The following DGKB variants were observed in gnomAD, a reference collection of about 807,000 sequenced individuals.
DGKB encodes the protein diacylglycerol kinase beta.
A neutral mutation model predicts 114.3 loss-of-function variants in DGKB; 67 were observed. That is an observed-to-expected ratio of 0.59 (90% CI 0.48 to 0.72). The LOEUF (loss-of-function observed/expected upper bound fraction) is 0.72. DGKB is among the 30% of genes least tolerant of loss of function. The probability of loss-of-function intolerance (pLI) is 0.00; values close to 1 mark genes in which losing one functional copy is unlikely to be tolerated. For missense variants in DGKB, 907 were observed against 975.2 expected (o/e 0.93, Z 0.93); for synonymous variants, 398 against 323.1 (o/e 1.23, Z -2.49).
intron 23 of DGKB, chr7:14,192,029 T>G: frequency 2.1e-6 from 1 of 485,464 alleles, no homozygotes; most frequent in African/African-American, 2.0e-5. Flanking sequence ...CTCTGAGTCA[T>G]TTTGCTATTT....
At chr7:14,365,331 T>C (rs574904549) in intron 21 of DGKB, among the ~76,000 whole-genome samples, 2 of 152,178 alleles carry the variant, frequency 1.3e-5, no homozygotes, top group East Asian at 3.9e-4. Context: ...TGTACCTATA[T>C]CTTCTAAGAG....
chr7:14,896,036 C>T (rs1339538771), intron 1 of DGKB, among the ~76,000 whole-genome samples: 1 of 151,696 alleles, frequency 6.6e-6, no homozygotes, highest in East Asian at 1.9e-4. Flanking sequence ...TCTATAGCAC[C>T]TCTGTTTCTT....
At chr7:14,627,579 T>C (rs1346429535) in intron 14 of DGKB, among the ~76,000 whole-genome samples, 1 of 129,862 alleles carries the variant, frequency 7.7e-6, no homozygotes, top group Admixed American at 7.2e-5. Context: ...TGTGTGTATG[T>C]CTGTGTCTGT....
chr7:14,412,577 C>T (rs1257859926), intron 21 of DGKB, among the ~76,000 whole-genome samples: 1 of 152,104 alleles, frequency 6.6e-6, no homozygotes, highest in Non-Finnish European at 1.5e-5. Flanking sequence ...CAGATCAAAC[C>T]AGGTTTAAAA....
At position 14,476,997 on chromosome 7, in the gene DGKB, G is replaced by A. The variant is rs147117638; in HGVS notation, c.1835+1164C>T. On this transcript the variant is annotated intron_variant, in intron 21 of 25. Transcript: ENST00000402815. ...GAACTCCCGACCTCATGATCTGCCC[G>A]CCTTGGCCTCCCAAAGTGCTGGGAT... is the stretch of plus-strand genomic sequence containing the variant. Among the ~76,000 whole-genome samples, 881 of 152,024 alleles carry A rather than the reference G, an allele frequency of 5.8e-3. 4 individuals are homozygous for A. The highest frequency in any genetic ancestry group is 0.019 in the African/African-American group (790 of 41,492).
At chr7:14,595,826 T>G (rs1585022244) in intron 17 of DGKB, among the ~76,000 whole-genome samples, 1 of 152,052 alleles carries the variant, frequency 6.6e-6, no homozygotes, top group African/African-American at 2.4e-5. Flanking sequence ...TATTAAGATA[T>G]GTTTAAATTG....
intron 13 of DGKB, among the ~76,000 whole-genome samples, chr7:14,661,900 T>C (rs12667027): frequency 0.72 from 108,285 of 151,110 alleles, 38,854 homozygotes; most frequent in Admixed American, 0.8. Context: ...TTCACGTCCT[T>C]TGTAGGGACA....
chr7:14,632,339 A>C (rs1809881757), intron 13 of DGKB, among the ~76,000 whole-genome samples: 1 of 151,840 alleles, frequency 6.6e-6, no homozygotes, highest in Admixed American at 6.6e-5. Flanking sequence ...TGAAATATTT[A>C]GTGATGTGGT....
chr7:14,395,019 CA>C (rs1217137913), intron 21 of DGKB, among the ~76,000 whole-genome samples: 1 of 152,014 alleles, frequency 6.6e-6, no homozygotes, highest in African/African-American at 2.4e-5. Context: ...GAACTAACAA[CA>C]AGGAAACTTT....
intron 20 of DGKB, among the ~76,000 whole-genome samples, chr7:14,522,375 T>C (rs1789929648): frequency 6.6e-6 from 1 of 152,128 alleles, no homozygotes; most frequent in Non-Finnish European, 1.5e-5. Flanking sequence ...TATCAAGCCA[T>C]CTTTGACTGT....
intron 2 of DGKB, among the ~76,000 whole-genome samples, chr7:14,775,140 G>A (rs1006673815): frequency 5.3e-5 from 8 of 151,752 alleles, no homozygotes; most frequent in African/African-American, 1.5e-4. Context: ...CCAAAATTAC[G>A]AAAATGGAAT....
chr7:14,219,964 T>C (rs1402332142), intron 23 of DGKB, among the ~76,000 whole-genome samples: 1 of 150,306 alleles, frequency 6.7e-6, no homozygotes, highest in Non-Finnish European at 1.5e-5. Flanking sequence ...ATGTGTCACT[T>C]AATGAGTGGA....
intron 1 of DGKB, among the ~76,000 whole-genome samples, chr7:14,926,458 C>T (rs1287322862): frequency 3.3e-5 from 5 of 149,868 alleles, no homozygotes; most frequent in South Asian, 4.2e-4. Flanking sequence ...TGGAATCTTC[C>T]TATTTTTTTC....
In DGKB at chr7:14,148,593, T is replaced by G. The variant is rs1781738172; in HGVS notation, c.*538A>C. On this transcript the variant is annotated 3_prime_UTR_variant, in exon 26 of 26. Transcript: ENST00000402815. Reference sequence around the variant, plus strand: ...GAGTTAAGATGTTGAAGAAAAACTATGTATATATAGCAAGGTATTGTAGTC... The same window carrying G: ...GAGTTAAGATGTTGAAGAAAAACTAGGTATATATAGCAAGGTATTGTAGTC... 1 of 152,778 alleles carries G rather than the reference T, an allele frequency of 6.5e-6. No homozygotes were observed. The highest frequency in any genetic ancestry group is 1.5e-5 in the Non-Finnish European group (1 of 68,416). The allele number at this position is 152,778 out of a possible 1,614,324, so 9.5% of individuals were successfully genotyped here.
chr7:14,199,513 C>T (rs374040029), intron 23 of DGKB, among the ~76,000 whole-genome samples: 1 of 152,070 alleles, frequency 6.6e-6, no homozygotes, highest in African/African-American at 2.4e-5. Context: ...ACTCTGCAGG[C>T]GGCCTGGGAC....
intron 9 of DGKB, among the ~76,000 whole-genome samples, chr7:14,688,967 A>AT (rs200690156): frequency 0.015 from 2,281 of 151,812 alleles, 47 homozygotes; most frequent in African/African-American, 0.052. Flanking sequence ...ACTATAAATA[A>AT]TTTTTTTTCA....
chr7:14,248,998 G>A (rs931837668), intron 23 of DGKB, among the ~76,000 whole-genome samples: 4 of 152,062 alleles, frequency 2.6e-5, no homozygotes, highest in East Asian at 3.9e-4. Flanking sequence ...CGTTTATTAC[G>A]TTAATGAATG....
intron 1 of DGKB, among the ~76,000 whole-genome samples, chr7:14,949,681 G>A (rs545439763): frequency 5.3e-4 from 80 of 151,920 alleles, no homozygotes; most frequent in Middle Eastern, 3.4e-3. Context: ...TAGTATAAAT[G>A]CAAAGAGATG....
upstream of DGKB, among the ~76,000 whole-genome samples, chr7:14,904,533 T>C (rs1397619017): frequency 6.6e-6 from 1 of 152,204 alleles, no homozygotes; most frequent in African/African-American, 2.4e-5. Flanking sequence ...GATGTGTTTA[T>C]ACTGCCTTTA....
Sources: allele counts gnomAD v4.1 joint callset (sites outside exome capture counted in the v4.1 genomes callset), GRCh38; gene constraint gnomAD v4.1.1; transcripts MANE v1.5; gene names NCBI Gene and HGNC (gene_info 2026-07-23, HGNC 2026-07-21).